The following CPM variants were observed in gnomAD, a reference collection of about 807,000 sequenced individuals.
CPM encodes carboxypeptidase M.
A neutral mutation model predicts 46.4 loss-of-function variants in CPM; 35 were observed. That is an observed-to-expected ratio of 0.75 (90% CI 0.58 to 1.00). The LOEUF is 1.00. CPM is among the 50% of genes least tolerant of loss of function. CPM has a pLI of 0.00. For missense variants in CPM, 422 were observed against 530.4 expected, an observed-to-expected ratio of 0.80 and a Z score of 2.01; for synonymous variants, 195 against 195.3, an observed-to-expected ratio of 1.00 and a Z score of 0.01.
intron 2 of CPM, among the ~76,000 whole-genome samples, chr12:68,923,183 G>T (rs1888111558): frequency 7.2e-6 from 1 of 138,512 alleles, no homozygotes; most frequent in Non-Finnish European, 1.7e-5. Context: ...GTGTGTGTGT[G>T]TGTGTGTGTG....
At chr12:68,861,770 C>T (rs1042261165) in intron 7 of CPM, among the ~76,000 whole-genome samples, 5 of 151,646 alleles carry the variant, frequency 3.3e-5, no homozygotes, top group African/African-American at 9.7e-5. Context: ...TCAAATGATC[C>T]GCCCGCCTCA....
In CPM at chr12:68,870,363, G is replaced by A. The variant is rs776998556; in HGVS notation, c.468C>T (p.Phe156=). 3.1e-6 allele frequency: 5 copies of A among 1,614,116 alleles called. No individual in the cohort carries two copies. In the South Asian group the frequency reaches 5.5e-5, roughly 18 times the overall value. Residue 156 remains phenylalanine, a synonymous_variant, in exon 5 of 9, where the codon TTC becomes TTT. Coordinates refer to ENST00000551568, the MANE Select transcript of CPM (RefSeq NM_198320.5). ...CATTATTATATTCAAAAGCATCGGG[G>A]AAATTTCGATTCAAGTCATACTGGT... ...NYNQYDLNRN[F]PDAFEYNNVS...
At chr12:68,883,680 C>T (rs1434922540) in intron 3 of CPM, among the ~76,000 whole-genome samples, 1 of 152,088 alleles carries the variant, frequency 6.6e-6, no homozygotes, top group Non-Finnish European at 1.5e-5. Context: ...GGAAAGGACT[C>T]TTGCTTATCT....
At chr12:68,948,271 A>G (rs183129025) in intron 1 of CPM, among the ~76,000 whole-genome samples, 1 of 152,280 alleles carries the variant, frequency 6.6e-6, no homozygotes, top group Admixed American at 6.5e-5. Flanking sequence ...GTTTATATTG[A>G]AAGTGTGAAG....
chr12:68,870,793 G>A (rs368447716), intron 4 of CPM, among the ~76,000 whole-genome samples: 6 of 152,206 alleles, frequency 3.9e-5, no homozygotes, highest in African/African-American at 1.2e-4. Context: ...CCTGTGGCAC[G>A]GACAGTAGCC....
At chr12:68,879,559 C>T (rs536800782) in intron 3 of CPM, among the ~76,000 whole-genome samples, 1 of 152,146 alleles carries the variant, frequency 6.6e-6, no homozygotes, top group South Asian at 2.1e-4. Context: ...GAGACAAGGT[C>T]TTACTATGTT....
chr12:68,914,607 T>C (rs1436637058), intron 2 of CPM, among the ~76,000 whole-genome samples: 1 of 152,270 alleles, frequency 6.6e-6, no homozygotes, highest in African/African-American at 2.4e-5. Context: ...TGTTCCTTCA[T>C]ACTCTGGCAG....
chr12:68,921,853 CAATAT>C, intron 2 of CPM, among the ~76,000 whole-genome samples: 1 of 152,052 alleles, frequency 6.6e-6, no homozygotes, highest in African/African-American at 2.4e-5. Flanking sequence ...ATATATGTAA[CAATAT>C]AAAAGTATAT....
At chr12:68,903,998 C>T (rs905941190) in intron 2 of CPM, among the ~76,000 whole-genome samples, 1 of 152,030 alleles carries the variant, frequency 6.6e-6, no homozygotes, top group Non-Finnish European at 1.5e-5. Flanking sequence ...GTGATCCTCC[C>T]GCCTTGCCCT....
chr12:68,949,261 C>T lies in CPM; in HGVS notation c.-4+13908G>A, dbSNP rs374403821. On this transcript the variant is annotated intron_variant, in intron 1 of 8. Transcript: ENST00000546373. ...TGGCACACACCTGTGGTCCCAGCTA[C>T]TCAGGGGGCTGAGGCAAGAGGATCG... Among the ~76,000 whole-genome samples the T allele has an allele frequency of 5.1e-4, 78 of 152,346 alleles. No individual in the cohort carries two copies. The South Asian group carries it at 0.016, about 30-fold the overall frequency.
chr12:68,898,857 T>C (rs1886997987), intron 2 of CPM, among the ~76,000 whole-genome samples: 1 of 152,244 alleles, frequency 6.6e-6, no homozygotes, highest in East Asian at 1.9e-4. Context: ...GTACTTACCC[T>C]CATGGGGTTG....
downstream of CPM, chr12:68,847,477 G>T (rs1461805421): frequency 1.6e-4 from 6 of 37,716 alleles, no homozygotes; most frequent in African/African-American, 1.4e-3. Flanking sequence ...TTTTTGAGAC[G>T]GAGTCCCGCT....
intron 2 of CPM, chr12:68,913,745 G>A: frequency 2.2e-6 from 1 of 444,698 alleles, no homozygotes; most frequent in East Asian, 5.3e-5. Context: ...CTCACTGCTG[G>A]TAGTGGAACC....
At chr12:68,904,894 G>A (rs563878223) in intron 2 of CPM, among the ~76,000 whole-genome samples, 1 of 151,868 alleles carries the variant, frequency 6.6e-6, no homozygotes, top group African/African-American at 2.4e-5. Context: ...TTTAAACTGT[G>A]CATTAAAATA....
chr12:68,939,681 C>A (rs1411776170), intron 1 of CPM, among the ~76,000 whole-genome samples: 2 of 151,966 alleles, frequency 1.3e-5, no homozygotes, highest in African/African-American at 4.8e-5. Flanking sequence ...TTAGGCAATG[C>A]CTAACATGAA....
At chr12:68,844,272 C>T (rs1884070235) in intron 5 of CPM, 1 of 218,270 alleles carries the variant, frequency 4.6e-6, no homozygotes, top group African/African-American at 2.2e-5. Context: ...ACAAAAGGCA[C>T]AAGTCTGAAT....
chr12:68,843,090 T>A lies in CPM; in HGVS notation c.534-761A>T, dbSNP rs572706510. ...TCAGTGCCTTTTGCAATTTGTTGTG[T>A]GGGTTTTTTTTTTTTTAAAGCCACA... On this transcript the variant is annotated intron_variant, in intron 5 of 5. Transcript: ENST00000551897. 1.3e-5 allele frequency: 3 copies of A among 223,092 alleles called. No individual in the cohort carries two copies. The East Asian group carries it at 2.0e-4, about 15-fold the overall frequency. 13.8% of individuals were successfully genotyped at this position (223,092 alleles called of 1,614,324 possible).
In CPM at chr12:68,960,746, G is replaced by T. The variant is rs534280785; in HGVS notation, c.-4+2423C>A. ...AAACAAGCATGGAGCTCCTCTAAAT[G>T]TGGCAACCTATGTGACTGTACAGGT... On this transcript the variant is annotated intron_variant, in intron 1 of 8. Coordinates refer to the CPM transcript ENST00000546373. Among the ~76,000 whole-genome samples the T allele has an allele frequency of 8.5e-5, 13 of 152,278 alleles. No homozygotes were observed. The South Asian group carries it at 2.7e-3, about 32-fold the overall frequency.
At chr12:68,888,273 T>C (rs775465168) in intron 2 of CPM, among the ~76,000 whole-genome samples, 43 of 152,194 alleles carry the variant, frequency 2.8e-4, no homozygotes, top group South Asian at 6.2e-4. Flanking sequence ...TTGATATGGA[T>C]ATCCAATATT....
Sources: gnomAD v4.1 joint callset for allele counts (sites outside exome capture counted in the v4.1 genomes callset) on GRCh38, gnomAD v4.1.1 for gene constraint, MANE v1.5 for transcripts, NCBI Gene and HGNC (gene_info 2026-07-23, HGNC 2026-07-21) for gene names.